The following PTPRC variants were observed in gnomAD, a reference collection of about 807,000 sequenced individuals.
PTPRC encodes receptor-type tyrosine-protein phosphatase C.
A neutral mutation model predicts 155.9 loss-of-function variants in PTPRC; 44 were observed. That is an observed-to-expected ratio of 0.28 (90% CI 0.22 to 0.36). The LOEUF (loss-of-function observed/expected upper bound fraction) is 0.36, where lower values mean the gene tolerates loss of function less well. Among genes scored for constraint, PTPRC ranks in the 10% least tolerant of loss-of-function variants. The pLI is 1.00. For synonymous variants in PTPRC, 525 were observed against 533.1 expected, an observed-to-expected ratio of 0.98 and a Z score of 0.21; for missense variants, 1,401 against 1,564.6, an observed-to-expected ratio of 0.90 and a Z score of 1.76.
Position 198,713,058 on chromosome 1 carries a change from A to G in PTPRC, c.1277A>G (p.Tyr426Cys), listed in dbSNP as rs757143414. 3.7e-6 allele frequency: 6 copies of G among 1,613,736 alleles called. No individual in the cohort carries two copies. In the South Asian group the frequency reaches 5.5e-5, roughly 15 times the overall value. ...TCATTTCATAATTTTACCCTCTGTTATATAAAAGAGACAGGTAATTTGTGT... is the reference window on the plus strand; with the variant it reads ...TCATTTCATAATTTTACCCTCTGTTGTATAAAAGAGACAGGTAATTTGTGT... The part of the protein sequence containing the change: ...QRSFHNFTLC[Y>C]IKETEKDCLN... Residue 426 changes from tyrosine (Y) to cysteine (C), a missense_variant, in exon 12 of 33, where the codon TAT becomes TGT. Coordinates refer to ENST00000442510, the MANE Select transcript of PTPRC (RefSeq NM_002838.5).
At chr1:198,678,854 G>T (rs1665116151) in intron 2 of PTPRC, among the ~76,000 whole-genome samples, 1 of 150,390 alleles carries the variant, frequency 6.6e-6, no homozygotes, top group African/African-American at 2.5e-5. Flanking sequence ...TTTAAACTCT[G>T]GATTGCTATT....
intron 2 of PTPRC, among the ~76,000 whole-genome samples, chr1:198,671,285 C>T (rs905726187): frequency 1.3e-5 from 2 of 152,058 alleles, no homozygotes; most frequent in Non-Finnish European, 2.9e-5. Context: ...CCCAATGGAC[C>T]AAGCTAAAGC....
At chr1:198,741,286 T>G (rs767954628) in intron 23 of PTPRC, among the ~76,000 whole-genome samples, 1 of 151,868 alleles carries the variant, frequency 6.6e-6, no homozygotes, top group Non-Finnish European at 1.5e-5. Flanking sequence ...TGAGCTCTAA[T>G]CTGGGGCTGA....
In PTPRC at chr1:198,674,501, A is replaced by G. The variant is rs577501883; in HGVS notation, c.74-17846A>G. 9.4e-5 allele frequency among the ~76,000 whole-genome samples: 14 copies of G among 148,504 alleles called. No homozygotes were observed. In the South Asian group the frequency reaches 2.9e-3, roughly 31 times the overall value. ...TGCATTATGACTGTACAATAATAACATATAATAATATATATAGCATATATA... is the reference window on the plus strand; with the variant it reads ...TGCATTATGACTGTACAATAATAACGTATAATAATATATATAGCATATATA... On this transcript the variant is annotated intron_variant, in intron 2 of 32. Transcript: ENST00000442510.
intron 2 of PTPRC, among the ~76,000 whole-genome samples, chr1:198,646,806 T>C (rs535876647): frequency 6.6e-6 from 1 of 152,006 alleles, no homozygotes; most frequent in South Asian, 2.1e-4. Context: ...TTCTTATTCA[T>C]TATTGGAGCA....
intron 32 of PTPRC, 149 bp from the exon 33 acceptor site, chr1:198,755,757 A>G: frequency 2.3e-6 from 2 of 856,286 alleles, no homozygotes; most frequent in African/African-American, 1.7e-5. Context: ...TAAATTATTT[A>G]GATGTTTTTA....
chr1:198,752,763 T>C lies in PTPRC; in HGVS notation c.3500T>C (p.Ile1167Thr), dbSNP rs1306960153. 6.2e-7 allele frequency: 1 copy of C among 1,612,540 alleles called. No homozygotes were observed. The highest frequency in any genetic ancestry group is 1.7e-5 in the Admixed American group (1 of 59,850). Reference protein sequence around the residue: ...NKHHKSTPLLIHCRDGSQQTG... With the variant: ...NKHHKSTPLLTHCRDGSQQTG... Reference sequence around the variant, plus strand: ...CATCACAAGAGTACACCTCTACTCATTCACTGCAGGTGCGTGGGATTTGGT... The same window carrying C: ...CATCACAAGAGTACACCTCTACTCACTCACTGCAGGTGCGTGGGATTTGGT... The change falls in exon 31 of 33, where the codon ATT becomes ACT. Residue 1167 changes from isoleucine (I) to threonine (T), a missense_variant. By Grantham distance (89) the Ile-to-Thr change is moderately conservative (BLOSUM62 -1). Around this residue, in one of 3 missense-constraint regions of PTPRC, gnomAD observed 400 missense variants for 389.5 expected, o/e 1.03. Coordinates refer to ENST00000442510, the MANE Select transcript of PTPRC (RefSeq NM_002838.5).
At chr1:198,739,114 A>G (rs1162765379) in intron 23 of PTPRC, among the ~76,000 whole-genome samples, 1 of 151,782 alleles carries the variant, frequency 6.6e-6, no homozygotes, top group African/African-American at 2.4e-5. Flanking sequence ...ACAGACCACC[A>G]GAGAAAATCA....
chr1:198,676,146 C>G (rs16843648), intron 2 of PTPRC, among the ~76,000 whole-genome samples: 2,349 of 152,242 alleles, frequency 0.015, 57 homozygotes, highest in African/African-American at 0.052. Context: ...TTATTTAATT[C>G]AATACATGGA....
intron 8 of PTPRC, among the ~76,000 whole-genome samples, chr1:198,704,707 G>A (rs1571852809): frequency 6.6e-6 from 1 of 152,296 alleles, no homozygotes; most frequent in East Asian, 1.9e-4. Context: ...ATACAAGAGC[G>A]ATGATGGAGG....
rs374796784 is a variant in PTPRC at position 198,756,013 on chromosome 1, A to G, written c.3753A>G (p.Glu1251=). 1.2e-6 allele frequency: 2 copies of G among 1,613,440 alleles called. No individual in the cohort carries two copies. The highest frequency in any genetic ancestry group is 4.5e-5 in the East Asian group (2 of 44,818). The stretch of plus-strand genomic sequence containing the variant: ...AAGATAAAATTGAATTTGATAATGA[A>G]GTGGACAAAGTAAAGCAGGATGCTA... ...HQEDKIEFDN[E]VDKVKQDANC... is the part of the protein sequence containing the mutation. Residue 1251 remains glutamate, a synonymous_variant, in exon 33 of 33, where the codon GAA becomes GAG. Coordinates refer to ENST00000442510, the MANE Select transcript of PTPRC (RefSeq NM_002838.5).
chr1:198,694,720 C>A (rs928826149), intron 3 of PTPRC: 1 of 969,240 alleles, frequency 1.0e-6, no homozygotes, highest in Non-Finnish European at 1.2e-6. Context: ...TCCTTCCTTC[C>A]TCCCTCCCTT....
At chr1:198,749,344 A>C (rs1655276526) in intron 27 of PTPRC, 72 bp from the exon 28 acceptor site, 2 of 1,459,290 alleles carry the variant, frequency 1.4e-6, no homozygotes, top group Non-Finnish European at 1.9e-6. Context: ...AATACTTTCA[A>C]ATTTCCACAT....
chr1:198,742,791 A>G (rs1172963313), intron 25 of PTPRC, among the ~76,000 whole-genome samples: 1 of 151,816 alleles, frequency 6.6e-6, no homozygotes, highest in East Asian at 1.9e-4. Flanking sequence ...GGTATTGTTT[A>G]TTAAGTAATT....
At chr1:198,743,962 C>T (rs1571888770) in intron 25 of PTPRC, 92 bp from the exon 26 acceptor site, 1 of 1,284,016 alleles carries the variant, frequency 7.8e-7, no homozygotes, top group Admixed American at 1.8e-5. Context: ...CCAATATGAG[C>T]AAATTTATGG....
chr1:198,652,964 A>G (rs1228188518), intron 2 of PTPRC, among the ~76,000 whole-genome samples: 2 of 151,882 alleles, frequency 1.3e-5, no homozygotes, highest in African/African-American at 4.8e-5. Flanking sequence ...AACGAGTCAG[A>G]TACAATATAA....
intron 2 of PTPRC, chr1:198,680,082 G>T: frequency 2.3e-6 from 1 of 444,054 alleles, no homozygotes; most frequent in Non-Finnish European, 4.0e-6. Context: ...AGTGCCACTA[G>T]GCAAGGCGCA....
intron 3 of PTPRC, among the ~76,000 whole-genome samples, chr1:198,696,166 A>AT (rs1666191707): frequency 7.1e-6 from 1 of 140,264 alleles, no homozygotes; most frequent in Non-Finnish European, 1.6e-5. Flanking sequence ...CTCAAAAAGA[A>AT]AATATATATA....
chr1:198,719,925 C>G (rs540503254), intron 14 of PTPRC, among the ~76,000 whole-genome samples: 2 of 152,070 alleles, frequency 1.3e-5, no homozygotes, highest in South Asian at 4.1e-4. Context: ...TTCTTTATCA[C>G]TTAAAGAAGT....
Sources: allele counts gnomAD v4.1 joint callset (sites outside exome capture counted in the v4.1 genomes callset), GRCh38; gene constraint gnomAD v4.1.1; regional missense constraint gnomAD v4.1.1; transcripts MANE v1.5; gene names NCBI Gene and HGNC (gene_info 2026-07-23, HGNC 2026-07-21).